LMAN1L: variants seen among roughly 807,000 people sequenced by gnomAD.
LMAN1L encodes the protein lectin, mannose binding 1 like.
Under a neutral mutation model 58.3 loss-of-function variants are expected in LMAN1L, and 60 were observed. The ratio of observed to expected loss-of-function variants is 1.03; its 90% CI spans 0.84 to 1.27. LMAN1L has a LOEUF of 1.27. Among genes scored for constraint, LMAN1L ranks in the 50% most tolerant of loss-of-function variants. The pLI is 0.00. For synonymous variants in LMAN1L, 280 were observed against 271.6 expected, an observed-to-expected ratio of 1.03 and a Z score of -0.31; for missense variants, 629 against 674.0, an observed-to-expected ratio of 0.93 and a Z score of 0.74.
At chr15:74,823,731 G>T (rs369545117) in intron 12 of LMAN1L, 49 bp downstream of exon 12, 1 of 1,593,930 alleles carries the variant, frequency 6.3e-7, no homozygotes, top group Admixed American at 1.7e-5. Flanking sequence ...TTGACGTCTG[G>T]GCTCAGCCAC....
intron 13 of LMAN1L, chr15:74,825,086 TGTGG>T (rs2063935086): frequency 5.9e-6 from 1 of 170,778 alleles, no homozygotes; most frequent in African/African-American, 2.4e-5. Flanking sequence ...CGTTTAGAGA[TGTGG>T]GGTGTGCTAA....
intron 10 of LMAN1L, among the ~76,000 whole-genome samples, 198 bp downstream of exon 10, chr15:74,822,098 A>G (rs571399441): frequency 6.6e-6 from 1 of 152,080 alleles, no homozygotes; most frequent in Non-Finnish European, 1.5e-5. Flanking sequence ...CAAGGCGGAC[A>G]GATCACGAGG....
intron 11 of LMAN1L, 133 bp downstream of exon 11, chr15:74,822,842 G>C: frequency 1.5e-6 from 1 of 666,116 alleles, no homozygotes; most frequent in Non-Finnish European, 2.7e-6. Context: ...TACTGGTGGA[G>C]TTAGGTTTGT....
At chr15:74,817,247 T>C (rs2063895853) in intron 4 of LMAN1L, among the ~76,000 whole-genome samples, 4 of 152,212 alleles carry the variant, frequency 2.6e-5, no homozygotes, top group African/African-American at 9.7e-5. Context: ...GAGCTGATTG[T>C]ATGCCAGGCA....
chr15:74,816,543 T>G lies in LMAN1L; in HGVS notation c.438+9T>G. ...CGGCAGAGGATACTCAGGTGCGTAG[T>G]GGTCTCCTGCCTGCCAGCCCGCCTG... is the stretch of plus-strand genomic sequence containing the variant. On this transcript the variant is annotated intron_variant, in intron 3 of 13. Coordinates refer to ENST00000309664, the MANE Select transcript of LMAN1L (RefSeq NM_021819.3). 1 of 1,572,368 alleles carries G rather than the reference T, an allele frequency of 6.4e-7. No individual in the cohort carries two copies. The highest frequency in any genetic ancestry group is 8.6e-7 in the Non-Finnish European group (1 of 1,156,848).
In LMAN1L at chr15:74,819,051, G is replaced by T. The variant is rs571820855; in HGVS notation, c.598-101G>T. The T allele has an allele frequency of 7.8e-6, 11 of 1,416,502 alleles. No homozygotes were observed. In the East Asian group the frequency reaches 2.3e-4, roughly 30 times the overall value. 87.7% of individuals were successfully genotyped at this position (1,416,502 alleles called of 1,614,324 possible). ...GTGCGGGTCACCTCCATGCCATTCT[G>T]ATACCAAGCCCTAGGGCCACCTGCC... On this transcript the variant is annotated intron_variant, in intron 5 of 13. Coordinates refer to ENST00000309664, the MANE Select transcript of LMAN1L (RefSeq NM_021819.3).
rs1280699226 is a variant in LMAN1L at position 74,822,645 on chromosome 15, T to C, written c.1135T>C (p.Ser379Pro). The C allele has an allele frequency of 1.9e-6, 3 of 1,613,700 alleles. No individual in the cohort carries two copies. Among genetic ancestry groups the C allele is most frequent in the South Asian group, 1.1e-5 (1 of 91,076 alleles). ...GHLSMSLNKDSAKVGALLHGQ... is the reference protein window; with the variant it reads ...GHLSMSLNKDPAKVGALLHGQ... ...ACAAGAGGCTGCCCCTCTGCAGGAC[T>C]CTGCCAAGGTCGGTGCCCTGCTCCA... The change falls in exon 11 of 14, where the codon TCT (serine) becomes CCT (proline). Residue 379 changes from serine to proline, a missense_variant. This residue lies in a region of LMAN1L where 573 missense variants were observed against 597.3 expected (regional missense o/e 0.96). Transcript: ENST00000309664.
chr15:74,821,409 C>T (rs934132848), intron 9 of LMAN1L, among the ~76,000 whole-genome samples, 183 bp downstream of exon 9: 2 of 152,126 alleles, frequency 1.3e-5, no homozygotes, highest in Non-Finnish European at 2.9e-5. Context: ...CAAATGCGCA[C>T]GGGGCTGGGG....
At chr15:74,825,124 A>G (rs553623128) in intron 13 of LMAN1L, 1 of 182,198 alleles carries the variant, frequency 5.5e-6, no homozygotes, top group East Asian at 1.4e-4. Flanking sequence ...GAGACTGACA[A>G]TCTTTGTTGG....
At position 74,816,359 on chromosome 15, in the gene LMAN1L, C is replaced by T. The variant is rs369651898; in HGVS notation, c.330+48C>T. ...GACAGAGCGGGGTGGGTCAGGGAGG[C>T]GGGTGATGAGCCCCGGGGTCCCAGT... On this transcript the variant is annotated intron_variant, in intron 2 of 13. Transcript: ENST00000309664. 1.7e-5 allele frequency: 28 copies of T among 1,602,756 alleles called. No individual in the cohort carries two copies. The African/African-American group carries it at 2.8e-4, about 16-fold the overall frequency.
rs2141113888 is a variant in LMAN1L at position 74,816,468 on chromosome 15, C to A, written c.372C>A (p.Val124=). The A allele has an allele frequency of 1.3e-6, 2 of 1,553,006 alleles. No individual in the cohort carries two copies. Among genetic ancestry groups the A allele is most frequent in the Non-Finnish European group, 1.7e-6 (2 of 1,145,944 alleles). The part of the protein sequence containing the change: ...YTRGRGHVGS[V]LGGLASWDGI... ...GGGGCAGGGGCCATGTAGGCTCTGT[C>A]CTTGGGGGGCTGGCTTCGTGGGACG... Residue 124 remains valine, a synonymous_variant, in exon 3 of 14, where the codon GTC becomes GTA. Transcript: ENST00000309664.
chr15:74,821,240 C>T lies in LMAN1L; in HGVS notation c.1059+14C>T. The T allele has an allele frequency of 6.5e-7, 1 of 1,547,858 alleles. No individual in the cohort carries two copies. The highest frequency in any genetic ancestry group is 8.7e-7 in the Non-Finnish European group (1 of 1,146,474). On this transcript the variant is annotated intron_variant, in intron 9 of 13. Transcript: ENST00000309664. Reference sequence around the variant, plus strand: ...GACGGAGGCTGGGTGAGAAGCCCTACAGGCATCCAAGGCTCCACCTGCGGG... The same window carrying T: ...GACGGAGGCTGGGTGAGAAGCCCTATAGGCATCCAAGGCTCCACCTGCGGG...
In LMAN1L at chr15:74,814,380, T is replaced by TTG. The variant is rs1567222953; in HGVS notation, c.175+1352_175+1353insGT. On this transcript the variant is annotated intron_variant, in intron 1 of 13. Transcript: ENST00000309664. ...AGCTAATTTTTGTTTTTGTTTTTGT[T>TTG]TTTTTTTTTTTGAGACGGAGTCTCG... Among the ~76,000 whole-genome samples the TTG allele has an allele frequency of 2.4e-5, 3 of 123,744 alleles. 1 individual carries two copies. Among genetic ancestry groups the TTG allele is most frequent in the African/African-American group, 2.9e-5 (1 of 35,036 alleles). 81.2% of individuals were successfully genotyped at this position (123,744 alleles called of 152,430 possible).
Position 74,814,372 on chromosome 15 carries a change from G to GTTTTTTT in LMAN1L, c.175+1348_175+1349insTTTTTTT, listed in dbSNP as rs1331712044. ...CCACACGCAGCTAATTTTTGTTTTTGTTTTTGTTTTTTTTTTTTTGAGACG... is the reference window on the plus strand; with the variant it reads ...CCACACGCAGCTAATTTTTGTTTTTGTTTTTTTTTTTTGTTTTTTTTTTTTTGAGACG... On this transcript the variant is annotated intron_variant, in intron 1 of 13. Transcript: ENST00000309664. Among the ~76,000 whole-genome samples the GTTTTTTT allele has an allele frequency of 2.7e-4, 30 of 109,498 alleles. 4 individuals are homozygous for GTTTTTTT. The highest frequency in any genetic ancestry group is 8.9e-4 in the South Asian group (3 of 3,368). 71.8% of individuals were successfully genotyped at this position (109,498 alleles called of 152,430 possible).
chr15:74,822,398 G>T (rs1246004330), intron 10 of LMAN1L, among the ~76,000 whole-genome samples: 1 of 152,196 alleles, frequency 6.6e-6, no homozygotes, highest in Non-Finnish European at 1.5e-5. Context: ...AGTATTTTGA[G>T]AAAACCCTGA....
intron 10 of LMAN1L, 44 bp from the exon 11 acceptor site, chr15:74,822,598 G>T (rs992759676): frequency 1.3e-6 from 2 of 1,531,576 alleles, no homozygotes; most frequent in Non-Finnish European, 1.8e-6. Context: ...TGAGAAGAGA[G>T]GGGCTATGTC....
At chr15:74,814,941 A>G (rs1042996860) in intron 1 of LMAN1L, among the ~76,000 whole-genome samples, 10 of 152,206 alleles carry the variant, frequency 6.6e-5, no homozygotes, top group African/African-American at 2.4e-4. Flanking sequence ...CAGGACCAGG[A>G]TGGCAAAACT....
chr15:74,825,576 CA>C lies in LMAN1L; in HGVS notation c.1553del (p.Gln518ArgfsTer45), dbSNP rs1372908002. ...CAGGGCCCTGGGGATTCTGAGGAGG[CA>C]GCCTCTCCCTGCCAGCATGCCTGCC... Reference protein sequence around the residue: ...TPRALGILRRQPLPASMPA With the variant: ...TPRALGILRRXPLPASMPA On this transcript the variant is annotated frameshift_variant, in exon 14 of 14. Transcript: ENST00000309664. LOFTEE classifies it high-confidence loss of function. 4 of 1,612,700 alleles carry C rather than the reference CA, an allele frequency of 2.5e-6. No individual in the cohort carries two copies. In the Admixed American group the frequency reaches 6.7e-5, roughly 27 times the overall value.
At chr15:74,819,954 G>C in intron 6 of LMAN1L, 90 bp from the exon 7 acceptor site, 1 of 1,231,256 alleles carries the variant, frequency 8.1e-7, no homozygotes, top group Non-Finnish European at 1.2e-6. Flanking sequence ...CTCTTGCCTC[G>C]GTGGGATATC....
Sources: allele counts gnomAD v4.1 joint callset (sites outside exome capture counted in the v4.1 genomes callset), GRCh38; gene constraint gnomAD v4.1.1; regional missense constraint gnomAD v4.1.1; transcripts MANE v1.5; gene names NCBI Gene and HGNC (gene_info 2026-07-23, HGNC 2026-07-21).